CCDC149: variants seen among roughly 807,000 people sequenced by gnomAD.
The protein encoded by CCDC149 is coiled-coil domain containing 149, also known as coiled-coil domain-containing protein 149.
CCDC149 carries 45 observed loss-of-function variants against 59.9 expected under a neutral mutation model. That is an observed-to-expected ratio of 0.75 (90% CI 0.59 to 0.96). The LOEUF (loss-of-function observed/expected upper bound fraction) is 0.96. Ranked by LOEUF, CCDC149 falls within the 40% of genes least tolerant of loss-of-function variation. The pLI is 0.00. For missense variants in CCDC149, 584 were observed against 664.7 expected, an observed-to-expected ratio of 0.88 and a Z score of 1.33; for synonymous variants, 245 against 260.6, an observed-to-expected ratio of 0.94 and a Z score of 0.58.
intron 4 of CCDC149, among the ~76,000 whole-genome samples, chr4:24,848,622 G>A (rs1449471766): frequency 6.6e-6 from 1 of 151,808 alleles, no homozygotes; most frequent in Non-Finnish European, 1.5e-5. Flanking sequence ...CCAAACACAA[G>A]AGCAGTGATG....
intron 1 of CCDC149, among the ~76,000 whole-genome samples, chr4:24,972,970 G>C (rs895010223): frequency 1.3e-5 from 2 of 152,060 alleles, no homozygotes; most frequent in Non-Finnish European, 2.9e-5. Flanking sequence ...TGCCTGTAAG[G>C]GTGGGCACCC....
At chr4:24,870,453 C>T (rs891140722) in intron 3 of CCDC149, among the ~76,000 whole-genome samples, 2 of 152,182 alleles carry the variant, frequency 1.3e-5, no homozygotes, top group Admixed American at 6.5e-5. Flanking sequence ...CATCCTATCT[C>T]GTGCAGCAAT....
At chr4:24,834,912 C>T in intron 8 of CCDC149, 36 bp downstream of exon 8, 1 of 1,511,076 alleles carries the variant, frequency 6.6e-7, no homozygotes, top group Non-Finnish European at 9.2e-7. Flanking sequence ...GTATTTTACG[C>T]TCATGAGCGG....
chr4:24,888,967 C>T (rs1459895919), intron 1 of CCDC149, among the ~76,000 whole-genome samples: 1 of 151,832 alleles, frequency 6.6e-6, no homozygotes, highest in Non-Finnish European at 1.5e-5. Flanking sequence ...CGTTTTCCCC[C>T]TCTCCGGTAT....
intron 1 of CCDC149, among the ~76,000 whole-genome samples, chr4:24,972,992 T>G (rs1724024877): frequency 6.6e-6 from 1 of 152,200 alleles, no homozygotes; most frequent in African/African-American, 2.4e-5. Context: ...TGAAGCTTCA[T>G]CTATGTAACA....
At chr4:24,853,630 TA>T (rs1717816068) in intron 3 of CCDC149, among the ~76,000 whole-genome samples, 1 of 148,518 alleles carries the variant, frequency 6.7e-6, no homozygotes, top group Non-Finnish European at 1.5e-5. Context: ...AATTTATCAC[TA>T]AAAATCTGGA....
At chr4:24,974,940 C>T (rs1208826996) in intron 1 of CCDC149, among the ~76,000 whole-genome samples, 1 of 151,982 alleles carries the variant, frequency 6.6e-6, no homozygotes, top group Non-Finnish European at 1.5e-5. Flanking sequence ...TGTGTCCCCT[C>T]CAAAATTCAG....
chr4:24,824,024 T>C lies in CCDC149; in HGVS notation c.966-1451A>G, dbSNP rs527673192. 4.6e-5 allele frequency among the ~76,000 whole-genome samples: 7 copies of C among 152,338 alleles called. No individual in the cohort carries two copies. In the South Asian group the frequency reaches 1.4e-3, roughly 32 times the overall value. Reference sequence around the variant, plus strand: ...GATGAGTTTGAGATGCAATCACAACTGTTCAAGTTGATGCCTGTTTCTTAA... The same window carrying C: ...GATGAGTTTGAGATGCAATCACAACCGTTCAAGTTGATGCCTGTTTCTTAA... On this transcript the variant is annotated intron_variant, in intron 9 of 12. Transcript: ENST00000635206.
intron 2 of CCDC149, among the ~76,000 whole-genome samples, chr4:24,874,254 T>TTTTG (rs1560230472): frequency 1.4e-4 from 10 of 69,492 alleles, no homozygotes; most frequent in Admixed American, 7.3e-4. Flanking sequence ...GTTTTTTTTT[T>TTTTG]TTTTTGTTTT....
intron 1 of CCDC149, among the ~76,000 whole-genome samples, chr4:24,936,347 T>TTA (rs955241732): frequency 8.6e-5 from 13 of 151,938 alleles, no homozygotes; most frequent in Admixed American, 3.9e-4. Context: ...AATCATTATA[T>TTA]TATATATATA....
intron 1 of CCDC149, among the ~76,000 whole-genome samples, chr4:24,891,769 C>T (rs1273572295): frequency 6.6e-6 from 1 of 152,136 alleles, no homozygotes; most frequent in Admixed American, 6.5e-5. Flanking sequence ...GAGGCCAAGG[C>T]AGGAGGATTG....
intron 10 of CCDC149, 34 bp downstream of exon 10, chr4:24,822,463 A>T: frequency 7.1e-7 from 1 of 1,409,082 alleles, no homozygotes; most frequent in Non-Finnish European, 9.5e-7. Context: ...AGAAAAAAAA[A>T]AAAGGAAAAT....
intron 1 of CCDC149, among the ~76,000 whole-genome samples, chr4:24,907,144 T>C (rs1721583901): frequency 6.6e-6 from 1 of 152,234 alleles, no homozygotes; most frequent in Non-Finnish European, 1.5e-5. Flanking sequence ...AGAGTTTCTG[T>C]CGTGAGGTTC....
chr4:24,898,073 C>T (rs950988731), intron 1 of CCDC149, among the ~76,000 whole-genome samples: 16 of 152,164 alleles, frequency 1.1e-4, no homozygotes, highest in East Asian at 1.9e-4. Flanking sequence ...CAGCAATCTG[C>T]GCCCCATCAA....
At chr4:24,885,892 TAAG>T (rs1720147705) in intron 1 of CCDC149, among the ~76,000 whole-genome samples, 1 of 152,200 alleles carries the variant, frequency 6.6e-6, no homozygotes, top group Admixed American at 6.5e-5. Flanking sequence ...TTAGGAATAA[TAAG>T]AAGACCTTCA....
chr4:24,869,961 C>T (rs1296813372), intron 3 of CCDC149, among the ~76,000 whole-genome samples: 1 of 152,214 alleles, frequency 6.6e-6, no homozygotes, highest in Non-Finnish European at 1.5e-5. Flanking sequence ...AAGTCCTACA[C>T]TGGCCCAGCC....
intron 9 of CCDC149, among the ~76,000 whole-genome samples, chr4:24,826,583 G>GTC (rs1358467858): frequency 6.6e-6 from 1 of 152,218 alleles, no homozygotes; most frequent in African/African-American, 2.4e-5. Context: ...AGGATGCGAA[G>GTC]TCAGAAGGAA....
In CCDC149 at chr4:24,906,370, A is replaced by ATTTTTT. The variant is rs1489184093; in HGVS notation, c.63+6446_63+6447insAAAAAA. Among the ~76,000 whole-genome samples, 27 of 40,882 alleles carry ATTTTTT rather than the reference A, an allele frequency of 6.6e-4. 2 individuals carry two copies. Among genetic ancestry groups the ATTTTTT allele is most frequent in the African/African-American group, 1.7e-3 (27 of 16,090 alleles). The allele number at this position is 40,882 out of a possible 152,430, so 26.8% of individuals were successfully genotyped here. ...ACTCAGGGGCAGCGGAACAAATTTT[A>ATTTTTT]TTTTATTTTATTTTATTTTATTTTA... On this transcript the variant is annotated intron_variant, in intron 1 of 12. Transcript: ENST00000635206.
At chr4:24,914,857 G>C (rs1375161751), upstream of CCDC149, among the ~76,000 whole-genome samples, 3 of 152,150 alleles carry the variant, frequency 2.0e-5, no homozygotes, top group Non-Finnish European at 4.4e-5. Context: ...ATAATCTAAA[G>C]AAAATTTTAC....
Sources: gnomAD v4.1 joint callset for allele counts (sites outside exome capture counted in the v4.1 genomes callset) on GRCh38, gnomAD v4.1.1 for gene constraint, MANE v1.5 for transcripts, NCBI Gene and HGNC (gene_info 2026-07-23, HGNC 2026-07-21) for gene names.